APIP: variants seen among roughly 807,000 people sequenced by gnomAD.
APIP encodes the protein methylthioribulose-1-phosphate dehydratase.
A neutral mutation model predicts 32.0 loss-of-function variants in APIP; 32 were observed. The observed-to-expected ratio is 1.00, with a 90% CI of 0.76 to 1.34. The LOEUF (loss-of-function observed/expected upper bound fraction) is 1.34, where lower values mean the gene tolerates loss of function less well. Ranked by LOEUF, APIP falls within the 40% of genes most tolerant of loss-of-function variation. The pLI is 0.00. For synonymous variants in APIP, 92 were observed against 94.8 expected (o/e 0.97, Z 0.17); for missense variants, 247 against 298.6 (o/e 0.83, Z 1.27).
chr11:34,914,186 T>C (rs987671411), intron 1 of APIP, among the ~76,000 whole-genome samples: 2 of 152,242 alleles, frequency 1.3e-5, no homozygotes, highest in African/African-American at 4.8e-5. Flanking sequence ...ATCTAAGTCA[T>C]ATCGTCATAT....
At chr11:34,891,464 C>G (rs1010830702) in intron 2 of APIP, among the ~76,000 whole-genome samples, 4 of 152,124 alleles carry the variant, frequency 2.6e-5, no homozygotes, top group African/African-American at 4.8e-5. Context: ...ATGCCAGTAC[C>G]TGCATGCTCT....
At chr11:34,906,277 G>A (rs1185232159) in intron 1 of APIP, among the ~76,000 whole-genome samples, 1 of 152,080 alleles carries the variant, frequency 6.6e-6, no homozygotes, top group Non-Finnish European at 1.5e-5. Context: ...CTACCAAGAT[G>A]GCAGCATCAT....
intron 2 of APIP, among the ~76,000 whole-genome samples, chr11:34,893,916 T>TAA (rs1439692831): frequency 1.3e-5 from 2 of 152,192 alleles, no homozygotes; most frequent in East Asian, 3.8e-4. Flanking sequence ...ACATAAATAT[T>TAA]TTAATAATCC....
intron 1 of APIP, among the ~76,000 whole-genome samples, chr11:34,907,986 T>C (rs181589612): frequency 2.0e-5 from 3 of 152,264 alleles, no homozygotes; most frequent in Admixed American, 6.5e-5. Flanking sequence ...TAAGCAAATA[T>C]AGGCATATAT....
Position 34,884,040 on chromosome 11 carries a change from C to T in APIP, c.462-536G>A, listed in dbSNP as rs112769827. 5.5e-3 allele frequency among the ~76,000 whole-genome samples: 838 copies of T among 152,262 alleles called. 12 individuals are homozygous for T. The highest frequency in any genetic ancestry group is 0.019 in the African/African-American group (803 of 41,546). On this transcript the variant is annotated intron_variant, in intron 5 of 6. Coordinates refer to ENST00000395787, the MANE Select transcript of APIP (RefSeq NM_015957.4). ...CTGGAGATAACTCTTAAAGGTACGA[C>T]GCTTTCAGAACATTCTCAAATCTGT...
At chr11:34,911,983 A>G (rs1853560450) in intron 1 of APIP, among the ~76,000 whole-genome samples, 1 of 152,058 alleles carries the variant, frequency 6.6e-6, no homozygotes, top group Non-Finnish European at 1.5e-5. Flanking sequence ...TCATGTTTGC[A>G]TTTTTCAGCC....
At chr11:34,908,447 C>G (rs1024907968) in intron 1 of APIP, among the ~76,000 whole-genome samples, 1 of 152,214 alleles carries the variant, frequency 6.6e-6, no homozygotes, top group Non-Finnish European at 1.5e-5. Flanking sequence ...ATTCTGCACA[C>G]TTGTTGCACT....
chr11:34,896,993 CACA>C (rs144924691), intron 1 of APIP: 84,120 of 358,196 alleles, frequency 0.23, 12,380 homozygotes, highest in Non-Finnish European at 0.32. Context: ...TGGAGAAAAT[CACA>C]ACAAGGAAGC....
chr11:34,890,420 T>C (rs2303958), intron 3 of APIP, 84 bp downstream of exon 3: 2 of 1,308,158 alleles, frequency 1.5e-6, no homozygotes, highest in Non-Finnish European at 1.1e-6. Context: ...ATAAAATGAA[T>C]GTTTTCTCTT....
intron 1 of APIP, among the ~76,000 whole-genome samples, chr11:34,903,319 G>A (rs1853396240): frequency 6.6e-6 from 1 of 152,222 alleles, no homozygotes; most frequent in Non-Finnish European, 1.5e-5. Flanking sequence ...GTATGCATAT[G>A]CAATGGTCAC....
At chr11:34,895,831 C>T (rs1236581439) in intron 1 of APIP, among the ~76,000 whole-genome samples, 1 of 151,138 alleles carries the variant, frequency 6.6e-6, no homozygotes, top group African/African-American at 2.4e-5. Flanking sequence ...ACCATTTTCT[C>T]CTGCTTTTTT....
At chr11:34,894,306 G>A (rs912117103) in intron 2 of APIP, among the ~76,000 whole-genome samples, 2 of 151,946 alleles carry the variant, frequency 1.3e-5, no homozygotes, top group Non-Finnish European at 2.9e-5. Context: ...GCATACTGCC[G>A]TTCTTTTGAT....
chr11:34,882,688 C>T lies in APIP; in HGVS notation c.*29G>A. 7.0e-7 allele frequency: 1 copy of T among 1,418,448 alleles called. No individual in the cohort carries two copies. The highest frequency in any genetic ancestry group is 9.7e-7 in the Non-Finnish European group (1 of 1,026,862). 87.9% of individuals were successfully genotyped at this position (1,418,448 alleles called of 1,614,324 possible). ...AAATAATAATTACGTTTAGCTTTAT[C>T]TCTGTATATAATTAGACTTTCTTTT... On this transcript the variant is annotated 3_prime_UTR_variant, in exon 7 of 7. Coordinates refer to ENST00000395787, the MANE Select transcript of APIP (RefSeq NM_015957.4).
At chr11:34,898,393 C>T (rs559069389) in intron 1 of APIP, among the ~76,000 whole-genome samples, 176 of 152,254 alleles carry the variant, frequency 1.2e-3, no homozygotes, top group Middle Eastern at 3.4e-3. Context: ...GAATCAGTTT[C>T]CTTTCACGGG....
intron 1 of APIP, among the ~76,000 whole-genome samples, chr11:34,915,282 A>C (rs1853652750): frequency 6.6e-6 from 1 of 152,210 alleles, no homozygotes; most frequent in South Asian, 2.1e-4. Flanking sequence ...TCTCTCATCC[A>C]ATCTTGCCTA....
rs561460921 is a variant in APIP at position 34,910,933 on chromosome 11, G to A, written c.57+5295C>T. On this transcript the variant is annotated intron_variant, in intron 1 of 6. Coordinates refer to ENST00000395787, the MANE Select transcript of APIP (RefSeq NM_015957.4). ...ACCTAATAGCTTTCAGTTTCTTTGT[G>A]ATTTTGGAGGCAAGGTCACCTTTGA... Among the ~76,000 whole-genome samples the A allele has an allele frequency of 5.9e-4, 90 of 152,170 alleles. 1 individual carries two copies. The highest frequency in any genetic ancestry group is 1.1e-3 in the Non-Finnish European group (75 of 68,024).
chr11:34,905,093 T>C (rs1853425203), intron 1 of APIP, among the ~76,000 whole-genome samples: 1 of 152,236 alleles, frequency 6.6e-6, no homozygotes. Flanking sequence ...CTATATGCTG[T>C]AGCACCCTCA....
intron 5 of APIP, among the ~76,000 whole-genome samples, chr11:34,887,154 G>A (rs757014247): frequency 3.9e-5 from 6 of 151,974 alleles, no homozygotes; most frequent in Non-Finnish European, 7.4e-5. Context: ...GACTCCAACA[G>A]AATTGCAAAG....
intron 2 of APIP, among the ~76,000 whole-genome samples, chr11:34,893,211 A>G (rs1430722512): frequency 1.3e-5 from 2 of 152,198 alleles, no homozygotes; most frequent in African/African-American, 4.8e-5. Context: ...TAGAAAGAAC[A>G]TAGTCCTTTA....
Sources: allele counts gnomAD v4.1 joint callset (sites outside exome capture counted in the v4.1 genomes callset), GRCh38; gene constraint gnomAD v4.1.1; transcripts MANE v1.5; gene names NCBI Gene and HGNC (gene_info 2026-07-23, HGNC 2026-07-21).